Variants in CORO7 observed in about 807,000 individuals in gnomAD.
The protein encoded by CORO7 is coronin 7, also known as coronin-7.
Under a neutral mutation model 126.6 loss-of-function variants are expected in CORO7, and 107 were observed. The ratio of observed to expected loss-of-function variants is 0.85; its 90% CI spans 0.72 to 0.99. The LOEUF (loss-of-function observed/expected upper bound fraction) is 0.99, where lower values mean the gene tolerates loss of function less well. CORO7 is among the 50% of genes least tolerant of loss of function. The probability of loss-of-function intolerance (pLI) is 0.00; values close to 1 mark genes in which losing one functional copy is unlikely to be tolerated. For missense variants in CORO7, 1,314 were observed against 1,255.8 expected, an observed-to-expected ratio of 1.05 and a Z score of -0.70; for synonymous variants, 603 against 536.8, an observed-to-expected ratio of 1.12 and a Z score of -1.70.
intron 6 of CORO7, among the ~76,000 whole-genome samples, chr16:4,404,329 C>T (rs2055919250): frequency 6.6e-6 from 1 of 152,114 alleles, no homozygotes; most frequent in Non-Finnish European, 1.5e-5. Context: ...CTTCAGAGAC[C>T]CTTGGTGGTA....
At chr16:4,392,353 C>T (rs2055424276) in intron 7 of CORO7, among the ~76,000 whole-genome samples, 2 of 152,136 alleles carry the variant, frequency 1.3e-5, no homozygotes, top group African/African-American at 2.4e-5. Context: ...ACAGAACCAT[C>T]CGACTCTCGG....
intron 9 of CORO7, chr16:4,383,009 C>G: frequency 8.3e-7 from 1 of 1,211,770 alleles, no homozygotes; most frequent in African/African-American, 1.6e-5. Context: ...GGGATGTGTG[C>G]AGACAGGGCT....
chr16:4,375,770 G>A (rs931642151), intron 9 of CORO7, among the ~76,000 whole-genome samples: 2 of 152,216 alleles, frequency 1.3e-5, no homozygotes, highest in Non-Finnish European at 2.9e-5. Flanking sequence ...TTACAGGCGT[G>A]AGCCACCATG....
chr16:4,355,119 G>A lies in CORO7; in HGVS notation c.*39C>T, dbSNP rs1024709042. The A allele has an allele frequency of 3.4e-6, 5 of 1,482,502 alleles. No homozygotes were observed. The Admixed American group carries it at 7.2e-5, about 21-fold the overall frequency. 91.8% of individuals were successfully genotyped at this position (1,482,502 alleles called of 1,614,324 possible). A position where few individuals can be genotyped will look rare whatever the true frequency, so the allele number is the denominator to read the frequency against. ...TGAGCCGTGAGGTGTGCACTAGGAA[G>A]TGGCAGCACAGGTGAGGTGGAGGTG... On this transcript the variant is annotated 3_prime_UTR_variant, in exon 28 of 28. Transcript: ENST00000251166.
intron 3 of CORO7, among the ~76,000 whole-genome samples, chr16:4,408,988 C>A (rs769409601): frequency 4.7e-4 from 72 of 152,116 alleles, no homozygotes; most frequent in Non-Finnish European, 8.8e-4. Flanking sequence ...AGAACTTGAA[C>A]GGCTCAGCTC....
rs138269592 is a variant in CORO7 at position 4,391,937 on chromosome 16, G to A, written c.616-3306C>T. Among the ~76,000 whole-genome samples, 713 of 152,308 alleles carry A rather than the reference G, an allele frequency of 4.7e-3. 8 individuals carry two copies. The highest frequency in any genetic ancestry group is 0.016 in the African/African-American group (674 of 41,562). On this transcript the variant is annotated intron_variant, in intron 7 of 27. Coordinates refer to ENST00000251166, the MANE Select transcript of CORO7 (RefSeq NM_024535.5). ...CCGCAGGGGGTGCAGGAGGGGAGGC[G>A]CGTGCCCGCCCCTTCATCACCATGG...
rs1191250410 is a variant in CORO7, at chr16:4,361,102, G to A, written c.1775-17C>T. ...CCGTGTGGCCTGGAGGAAGGCAGGG[G>A]TGATCAGGAGCCCTTGGGAGACACT... is the stretch of plus-strand genomic sequence containing the variant. On this transcript the variant is annotated splice_polypyrimidine_tract_variant and intron_variant, in intron 18 of 27. Coordinates refer to ENST00000251166, the MANE Select transcript of CORO7 (RefSeq NM_024535.5). The A allele has an allele frequency of 2.5e-6, 4 of 1,613,274 alleles. No individual in the cohort carries two copies. Among genetic ancestry groups the A allele is most frequent in the Non-Finnish European group, 3.4e-6 (4 of 1,180,008 alleles).
intron 5 of CORO7, among the ~76,000 whole-genome samples, chr16:4,406,926 ACCGCGC>A (rs748599026): frequency 6.6e-6 from 1 of 152,024 alleles, no homozygotes; most frequent in Admixed American, 6.6e-5. Context: ...GGCGTGAGCC[ACCGCGC>A]CCGGCCAAAG....
At chr16:4,385,506 T>G (rs1455426406) in intron 9 of CORO7, among the ~76,000 whole-genome samples, 1 of 152,180 alleles carries the variant, frequency 6.6e-6, no homozygotes, top group Non-Finnish European at 1.5e-5. Context: ...AAGACAGGTG[T>G]ATCTCTGCAT....
intron 9 of CORO7, among the ~76,000 whole-genome samples, chr16:4,373,961 C>T (rs1368201415): frequency 1.3e-5 from 2 of 152,196 alleles, no homozygotes; most frequent in Non-Finnish European, 2.9e-5. Flanking sequence ...TCCTGGACCC[C>T]CCATCAGCTG....
intron 7 of CORO7, among the ~76,000 whole-genome samples, chr16:4,391,179 T>G (rs1295783700): frequency 1.3e-5 from 2 of 152,012 alleles, no homozygotes; most frequent in Non-Finnish European, 2.9e-5. Context: ...TCCCAACACT[T>G]TGGGAGGCTG....
intron 9 of CORO7, among the ~76,000 whole-genome samples, chr16:4,386,404 G>A (rs2055195353): frequency 2.0e-5 from 3 of 152,202 alleles, no homozygotes; most frequent in African/African-American, 7.2e-5. Context: ...AGTGGTGGGT[G>A]GAAGTGACTG....
rs781572958 is a variant in CORO7 at position 4,362,191 on chromosome 16, G to C, written c.1403-31C>G. 3.8e-6 allele frequency: 6 copies of C among 1,592,168 alleles called. No homozygotes were observed. Among genetic ancestry groups the C allele is most frequent in the Admixed American group, 1.8e-5 (1 of 56,770 alleles). On this transcript the variant is annotated intron_variant, in intron 15 of 27. Transcript: ENST00000251166. The surrounding 1 kb of genome is among the most constrained non-coding windows in gnomAD (Gnocchi z 5.3). Reference sequence around the variant, plus strand: ...AGGTGGCAGGGACATGGAACCACGTGTGAGGATGCCGTCCCCGCCCGCCCT... The same window carrying C: ...AGGTGGCAGGGACATGGAACCACGTCTGAGGATGCCGTCCCCGCCCGCCCT...
chr16:4,414,589 T>C (rs1437911521), intron 1 of CORO7, among the ~76,000 whole-genome samples: 1 of 152,154 alleles, frequency 6.6e-6, no homozygotes, highest in Non-Finnish European at 1.5e-5. Flanking sequence ...CCCTCCTGAT[T>C]CATGTTTACT....
intron 5 of CORO7, 124 bp downstream of exon 5, chr16:4,407,377 A>T: frequency 8.9e-7 from 1 of 1,126,294 alleles, no homozygotes; most frequent in Non-Finnish European, 1.2e-6. Context: ...AGACTTTTAT[A>T]CTATGTAAGT....
chr16:4,372,703 G>C (rs2054580107), intron 9 of CORO7, among the ~76,000 whole-genome samples: 1 of 152,186 alleles, frequency 6.6e-6, no homozygotes, highest in African/African-American at 2.4e-5. Context: ...GGACTGCTGA[G>C]GTCCCCTGTG....
chr16:4,415,450 T>C (rs762889050), intron 1 of CORO7, among the ~76,000 whole-genome samples: 1 of 152,118 alleles, frequency 6.6e-6, no homozygotes, highest in Non-Finnish European at 1.5e-5. Flanking sequence ...TCAATGTCGT[T>C]ATGAAAACCT....
chr16:4,395,261 C>T, intron 7 of CORO7, 28 bp downstream of exon 7: 1 of 1,613,846 alleles, frequency 6.2e-7, no homozygotes, highest in Non-Finnish European at 8.5e-7. Context: ...GAGGCTTCAA[C>T]CCACCCCAGC....
At chr16:4,384,660 A>G (rs958410641) in intron 9 of CORO7, among the ~76,000 whole-genome samples, 17 of 152,194 alleles carry the variant, frequency 1.1e-4, no homozygotes, top group Admixed American at 3.3e-4. Context: ...TCTGGATTCA[A>G]TTAGCGGCTG....
Sources: allele counts gnomAD v4.1 joint callset (sites outside exome capture counted in the v4.1 genomes callset), GRCh38; gene constraint gnomAD v4.1.1; non-coding constraint Gnocchi (gnomAD v3.1); transcripts MANE v1.5; gene names NCBI Gene and HGNC (gene_info 2026-07-23, HGNC 2026-07-21).